Variants in FEZ1 observed in about 807,000 individuals in gnomAD.
The protein encoded by FEZ1 is fasciculation and elongation protein zeta-1.
A neutral mutation model predicts 49.3 loss-of-function variants in FEZ1; 20 were observed. The ratio of observed to expected loss-of-function variants is 0.41; its 90% CI spans 0.29 to 0.59. The LOEUF (loss-of-function observed/expected upper bound fraction) is 0.59. Ranked by LOEUF, FEZ1 falls within the 20% of genes least tolerant of loss-of-function variation. The pLI is 0.36. For synonymous variants in FEZ1, 170 were observed against 180.9 expected, an observed-to-expected ratio of 0.94 and a Z score of 0.48; for missense variants, 413 against 476.0, an observed-to-expected ratio of 0.87 and a Z score of 1.23.
At chr11:125,459,317 C>T (rs1267697072) in intron 5 of FEZ1, among the ~76,000 whole-genome samples, 2 of 152,126 alleles carry the variant, frequency 1.3e-5, no homozygotes, top group African/African-American at 4.8e-5. Context: ...CTAGGCCGGG[C>T]ATGGTGGCTC....
intron 8 of FEZ1, among the ~76,000 whole-genome samples, chr11:125,448,933 G>C (rs974174220): frequency 6.6e-6 from 1 of 152,060 alleles, no homozygotes; most frequent in Non-Finnish European, 1.5e-5. Flanking sequence ...AAGTACTTGA[G>C]AGGCATCACG....
intron 5 of FEZ1, among the ~76,000 whole-genome samples, chr11:125,457,445 T>TACACAC (rs1957025757): frequency 2.2e-5 from 2 of 91,550 alleles, no homozygotes; most frequent in South Asian, 4.7e-4. Flanking sequence ...TATATATATA[T>TACACAC]ATATATGTAT....
chr11:125,494,735 G>C (rs1007934749), intron 1 of FEZ1, among the ~76,000 whole-genome samples: 5 of 152,194 alleles, frequency 3.3e-5, no homozygotes, highest in African/African-American at 1.2e-4. Context: ...CAGAGACCCA[G>C]TAGGAAACGC....
At chr11:125,483,250 G>C (rs1337562845) in intron 2 of FEZ1, among the ~76,000 whole-genome samples, 2 of 152,028 alleles carry the variant, frequency 1.3e-5, no homozygotes, top group Non-Finnish European at 2.9e-5. Context: ...GTGATATATG[G>C]GTTTTAAAAG....
At chr11:125,463,986 A>G (rs1957099655) in intron 3 of FEZ1, among the ~76,000 whole-genome samples, 1 of 152,190 alleles carries the variant, frequency 6.6e-6, no homozygotes, top group Non-Finnish European at 1.5e-5. Context: ...GGTTGTTTCC[A>G]GATTTCGTCT....
At chr11:125,460,202 T>TAA (rs1190502713) in intron 5 of FEZ1, 2 of 269,392 alleles carry the variant, frequency 7.4e-6, no homozygotes, top group African/African-American at 4.4e-5. Flanking sequence ...GATTTTATGG[T>TAA]AGCATCATTC....
At chr11:125,457,863 C>T (rs1478335602) in intron 5 of FEZ1, among the ~76,000 whole-genome samples, 2 of 152,172 alleles carry the variant, frequency 1.3e-5, no homozygotes, top group Non-Finnish European at 2.9e-5. Context: ...TTCCCTCTTC[C>T]TCTTTGTTTC....
chr11:125,473,342 T>C (rs1166608578), intron 3 of FEZ1, among the ~76,000 whole-genome samples: 2 of 152,190 alleles, frequency 1.3e-5, no homozygotes, highest in African/African-American at 4.8e-5. Context: ...TGAATAGCCA[T>C]ATGCAGAAAA....
intron 3 of FEZ1, chr11:125,469,075 G>A (rs34435097): frequency 0.34 from 51,270 of 152,076 alleles, 8,916 homozygotes; most frequent in South Asian, 0.49. Flanking sequence ...CTCCTTCCCT[G>A]AGTAGGCTCC....
intron 3 of FEZ1, among the ~76,000 whole-genome samples, chr11:125,466,375 G>C (rs1957130145): frequency 6.6e-6 from 1 of 152,114 alleles, no homozygotes; most frequent in African/African-American, 2.4e-5. Context: ...CTACTCAGGA[G>C]GCTGAGGTGG....
intron 1 of FEZ1, 108 bp downstream of exon 1, chr11:125,496,013 C>T (rs2135801454): frequency 5.8e-6 from 1 of 173,534 alleles, no homozygotes; most frequent in South Asian, 1.3e-4. Flanking sequence ...GCTGCGGCGA[C>T]CCCAGACCGT....
intron 9 of FEZ1, among the ~76,000 whole-genome samples, chr11:125,446,522 C>T (rs922219832): frequency 3.9e-5 from 6 of 152,190 alleles, no homozygotes; most frequent in Non-Finnish European, 5.9e-5. Flanking sequence ...AAAGTCCAGC[C>T]CTCCGACTAC....
intron 3 of FEZ1, among the ~76,000 whole-genome samples, chr11:125,476,365 G>A (rs112208401): frequency 6.6e-6 from 1 of 152,152 alleles, no homozygotes; most frequent in South Asian, 2.1e-4. Flanking sequence ...ATGCATGGTT[G>A]AGTTGACATT....
Position 125,474,195 on chromosome 11 carries a change from T to C in FEZ1, c.411+7339A>G, listed in dbSNP as rs551443928. Among the ~76,000 whole-genome samples, 130 of 112,032 alleles carry C rather than the reference T, an allele frequency of 1.2e-3. No homozygotes were observed. The Middle Eastern group carries it at 0.014, about 12-fold the overall frequency. The allele number at this position is 112,032 out of a possible 152,430, so 73.5% of individuals were successfully genotyped here. A position where few individuals can be genotyped will look rare whatever the true frequency, so the allele number is the denominator to read the frequency against. On this transcript the variant is annotated intron_variant, in intron 3 of 9. Coordinates refer to ENST00000278919, the MANE Select transcript of FEZ1 (RefSeq NM_005103.5). ...ACGTGCCACCATGCCAGGCTAATTT[T>C]TTTTTTTTTTTTTTTTGTATTTTTA...
rs751271566 is a variant in FEZ1 at position 125,444,366 on chromosome 11, G to A, written c.*1729C>T. On this transcript the variant is annotated 3_prime_UTR_variant, in exon 10 of 10. Coordinates refer to ENST00000278919, the MANE Select transcript of FEZ1 (RefSeq NM_005103.5). ...TTTGGGAAGCCTAGGAGGGCAGATC[G>A]CCTGAGGTCGGGAGTTCGAGACCAA... Among the ~76,000 whole-genome samples the A allele has an allele frequency of 2.0e-5, 3 of 152,106 alleles. No individual in the cohort carries two copies. The highest frequency in any genetic ancestry group is 2.9e-5 in the Non-Finnish European group (2 of 68,022).
intron 3 of FEZ1, among the ~76,000 whole-genome samples, chr11:125,466,583 T>C (rs542613151): frequency 1.5e-4 from 23 of 152,280 alleles, no homozygotes; most frequent in African/African-American, 5.5e-4. Flanking sequence ...ATTCCCAGAA[T>C]TGAGAAGATT....
chr11:125,472,699 T>C (rs1957194025), intron 3 of FEZ1, among the ~76,000 whole-genome samples: 1 of 152,100 alleles, frequency 6.6e-6, no homozygotes, highest in Admixed American at 6.5e-5. Context: ...GAGAGGATAA[T>C]TTCCAACTTA....
intron 7 of FEZ1, 64 bp from the exon 8 acceptor site, chr11:125,452,473 TA>T: frequency 9.2e-7 from 1 of 1,087,518 alleles, no homozygotes; most frequent in East Asian, 2.4e-5. Context: ...GGTTGAGATT[TA>T]GCCTTTCTCT....
At chr11:125,493,562 G>C (rs1229137707) in intron 1 of FEZ1, among the ~76,000 whole-genome samples, 1 of 151,484 alleles carries the variant, frequency 6.6e-6, no homozygotes, top group Non-Finnish European at 1.5e-5. Flanking sequence ...AAGGTGATGT[G>C]GGAGTGCTTC....
Sources: gnomAD v4.1 joint callset for allele counts (sites outside exome capture counted in the v4.1 genomes callset) on GRCh38, gnomAD v4.1.1 for gene constraint, MANE v1.5 for transcripts, NCBI Gene and HGNC (gene_info 2026-07-23, HGNC 2026-07-21) for gene names.